Variants in SEC23IP observed in about 807,000 individuals in gnomAD.
SEC23IP encodes the protein SEC23-interacting protein.
A neutral mutation model predicts 113.4 loss-of-function variants in SEC23IP; 70 were observed. The ratio of observed to expected loss-of-function variants is 0.62; its 90% CI spans 0.51 to 0.75. The LOEUF (loss-of-function observed/expected upper bound fraction) is 0.75. Ranked by LOEUF, SEC23IP falls within the 30% of genes least tolerant of loss-of-function variation. The probability of loss-of-function intolerance (pLI) is 0.00; values close to 1 mark genes in which losing one functional copy is unlikely to be tolerated. For missense variants in SEC23IP, 1,160 were observed against 1,204.9 expected (o/e 0.96, Z 0.55); for synonymous variants, 398 against 421.0 (o/e 0.95, Z 0.67).
intron 4 of SEC23IP, among the ~76,000 whole-genome samples, chr10:119,906,410 GT>G (rs57638351): frequency 0.06 from 8,033 of 134,314 alleles, 353 homozygotes; most frequent in South Asian, 0.27. Flanking sequence ...TCACATCAGG[GT>G]TTTTTTTTTT....
chr10:119,907,295 C>CA (rs942833361), intron 4 of SEC23IP, among the ~76,000 whole-genome samples: 233 of 138,692 alleles, frequency 1.7e-3, no homozygotes, highest in African/African-American at 4.8e-3. Context: ...GACTCCATCT[C>CA]AAAAAAAAAA....
Position 119,941,280 on chromosome 10 carries a change from A to G in SEC23IP, c.*715A>G, listed in dbSNP as rs1192477501. The G allele has an allele frequency of 6.6e-6, 1 of 152,204 alleles. No individual in the cohort carries two copies. The highest frequency in any genetic ancestry group is 1.5e-5 in the Non-Finnish European group (1 of 68,040). The allele number at this position is 152,204 out of a possible 1,614,324, so 9.4% of individuals were successfully genotyped here. A position where few individuals can be genotyped will look rare whatever the true frequency, so the allele number is the denominator to read the frequency against. On this transcript the variant is annotated 3_prime_UTR_variant, in exon 19 of 19. Coordinates refer to ENST00000369075, the MANE Select transcript of SEC23IP (RefSeq NM_007190.4). The stretch of plus-strand genomic sequence containing the variant: ...CATTTCCAGGAGGAGAAGCAAGCAG[A>G]TGAGAGGTTTTCCATTTTGTCATCC...
chr10:119,912,832 G>C (rs1456885962), intron 6 of SEC23IP, among the ~76,000 whole-genome samples: 1 of 151,708 alleles, frequency 6.6e-6, no homozygotes, highest in East Asian at 1.9e-4. Context: ...GTAGAGATGT[G>C]GTTTCACCAC....
rs370696927 is a variant in SEC23IP, at chr10:119,902,918, C to G, written c.816C>G (p.His272Gln). ...LQNQYEPVQP[H>Q]WFYCKEVEYK... ...ACCAATATGAGCCTGTTCAGCCCCA[C>G]TGGTTTTACTGCAAGGAGGTAGAAT... The change falls in exon 3 of 19, where the codon CAC (histidine) becomes CAG (glutamine). Residue 272 changes from histidine to glutamine, a missense_variant. His to Gln is a conservative substitution (Grantham distance 24). Transcript: ENST00000369075. 8 of 1,614,054 alleles carry G rather than the reference C, an allele frequency of 5.0e-6. No individual in the cohort carries two copies. The highest frequency in any genetic ancestry group is 6.8e-6 in the Non-Finnish European group (8 of 1,180,028).
chr10:119,919,012 A>G (rs990928293), intron 10 of SEC23IP, among the ~76,000 whole-genome samples: 2 of 96,642 alleles, frequency 2.1e-5, no homozygotes, highest in African/African-American at 8.1e-5. Context: ...TTTTTTTTTG[A>G]GGCGGAGTTT....
At chr10:119,923,205 C>CA (rs1855306459) in intron 12 of SEC23IP, among the ~76,000 whole-genome samples, 2 of 152,068 alleles carry the variant, frequency 1.3e-5, no homozygotes, top group South Asian at 2.1e-4. Flanking sequence ...TTGAAATGAG[C>CA]AAAAATCTAT....
At chr10:119,908,525 G>T (rs1564910334) in intron 4 of SEC23IP, among the ~76,000 whole-genome samples, 1 of 152,202 alleles carries the variant, frequency 6.6e-6, no homozygotes, top group Admixed American at 6.5e-5. Context: ...AATATAACTT[G>T]TGATGTGAAG....
intron 6 of SEC23IP, among the ~76,000 whole-genome samples, chr10:119,913,432 ATTG>A: frequency 6.6e-6 from 1 of 152,026 alleles, no homozygotes; most frequent in South Asian, 2.1e-4. Context: ...CAGCTTTGCT[ATTG>A]TTGTGTGAAA....
rs1249135247 is a variant in SEC23IP, at chr10:119,898,509, C to T, written c.246C>T (p.Tyr82=). Reference sequence around the variant, plus strand: ...CATCTGCCCCACAGACATTTAGTTACTTCTCTCAGGTATCAAGCAGCAGTG... The same window carrying T: ...CATCTGCCCCACAGACATTTAGTTATTTCTCTCAGGTATCAAGCAGCAGTG... ...IHTSAPQTFS[Y]FSQVSSSSDP... Residue 82 remains tyrosine (Y), a synonymous_variant, in exon 2 of 19, where the codon TAC becomes TAT. Coordinates refer to ENST00000369075, the MANE Select transcript of SEC23IP (RefSeq NM_007190.4). The T allele has an allele frequency of 6.2e-7, 1 of 1,614,116 alleles. No individual in the cohort carries two copies. The highest frequency in any genetic ancestry group is 8.5e-7 in the Non-Finnish European group (1 of 1,180,020).
intron 1 of SEC23IP, among the ~76,000 whole-genome samples, chr10:119,896,846 C>G (rs1335010413): frequency 6.6e-6 from 1 of 151,332 alleles, no homozygotes; most frequent in East Asian, 1.9e-4. Context: ...AAGTGAGGGT[C>G]ACTGACCTGA....
chr10:119,919,692 GA>G (rs1168186265), intron 11 of SEC23IP, 96 bp downstream of exon 11: 1 of 949,284 alleles, frequency 1.1e-6, no homozygotes, highest in African/African-American at 1.7e-5. Context: ...ATACACTCCA[GA>G]GTAGACAAAG....
In SEC23IP at chr10:119,925,605, G is replaced by A. The variant is rs565743056; in HGVS notation, c.2122-431G>A. Among the ~76,000 whole-genome samples the A allele has an allele frequency of 2.5e-3, 385 of 152,038 alleles. 3 individuals are homozygous for A. Among genetic ancestry groups the A allele is most frequent in the Non-Finnish European group, 3.7e-3 (251 of 68,002 alleles). Reference sequence around the variant, plus strand: ...TGCCCAGGGTGGAGTGCAGTGGTACGATCACAGATCACTGCAGCCTTGACC... The same window carrying A: ...TGCCCAGGGTGGAGTGCAGTGGTACAATCACAGATCACTGCAGCCTTGACC... On this transcript the variant is annotated intron_variant, in intron 12 of 18. Transcript: ENST00000369075.
chr10:119,918,723 A>G (rs1272782785), intron 10 of SEC23IP, among the ~76,000 whole-genome samples: 2 of 152,034 alleles, frequency 1.3e-5, no homozygotes, highest in South Asian at 2.1e-4. Context: ...GCTGGCATCA[A>G]TAACTCTTCA....
intron 1 of SEC23IP, among the ~76,000 whole-genome samples, chr10:119,893,288 C>T (rs1471441519): frequency 6.6e-6 from 1 of 152,078 alleles, no homozygotes. Flanking sequence ...TCCTAGGGTA[C>T]AGTAGTCTGT....
At chr10:119,916,078 T>C (rs1189559001) in intron 8 of SEC23IP, among the ~76,000 whole-genome samples, 189 bp downstream of exon 8, 1 of 152,238 alleles carries the variant, frequency 6.6e-6, no homozygotes, top group Non-Finnish European at 1.5e-5. Context: ...TGCATTCCTT[T>C]TGTAAATATT....
rs772066504 is a variant in SEC23IP at position 119,892,948 on chromosome 10, A to G, written c.163+3A>G. On this transcript the variant is annotated splice_donor_region_variant and intron_variant, in intron 1 of 18. Coordinates refer to ENST00000369075, the MANE Select transcript of SEC23IP (RefSeq NM_007190.4). ...GGCCTCCCTGCTCTTACCGGGAGGT[A>G]ATAAGGGGAGGGCGGCCCCGTGTGT... 25 of 1,610,480 alleles carry G rather than the reference A, an allele frequency of 1.6e-5. No individual in the cohort carries two copies. Among genetic ancestry groups the G allele is most frequent in the Non-Finnish European group, 2.0e-5 (23 of 1,178,226 alleles).
intron 4 of SEC23IP, among the ~76,000 whole-genome samples, chr10:119,906,967 T>G (rs1854690979): frequency 1.4e-5 from 2 of 142,326 alleles, no homozygotes; most frequent in South Asian, 4.4e-4. Flanking sequence ...ATATTTGAAG[T>G]TTTTTTTTTT....
At chr10:119,929,520 C>T (rs552207670) in intron 13 of SEC23IP, 87 bp from the exon 14 acceptor site, 18 of 1,156,384 alleles carry the variant, frequency 1.6e-5, no homozygotes, top group South Asian at 1.2e-4. Context: ...AGGCATGAGC[C>T]ACCACGCCCG....
intron 4 of SEC23IP, among the ~76,000 whole-genome samples, chr10:119,905,603 C>T (rs1589826763): frequency 6.6e-6 from 1 of 152,160 alleles, no homozygotes; most frequent in Non-Finnish European, 1.5e-5. Context: ...CAAAATGATA[C>T]GTATTGCTCA....
Sources: allele counts gnomAD v4.1 joint callset (sites outside exome capture counted in the v4.1 genomes callset), GRCh38; gene constraint gnomAD v4.1.1; transcripts MANE v1.5; gene names NCBI Gene and HGNC (gene_info 2026-07-23, HGNC 2026-07-21).